Variants in RBBP4 observed in about 807,000 individuals in gnomAD.
RBBP4 encodes RB binding protein 4, chromatin remodeling factor, also known as histone-binding protein RBBP4.
In RBBP4, 3 loss-of-function variants were observed where a neutral mutation model predicts 57.2. The observed-to-expected ratio is 0.05, with a 90% confidence interval of 0.02 to 0.14. RBBP4 has a LOEUF of 0.14. Ranked by LOEUF, RBBP4 falls within the 10% of genes least tolerant of loss-of-function variation. The probability of loss-of-function intolerance (pLI) is 1.00; values close to 1 mark genes in which losing one functional copy is unlikely to be tolerated. For synonymous variants in RBBP4, 151 were observed against 171.5 expected (o/e 0.88, Z 0.93); for missense variants, 107 against 520.6 (o/e 0.21, Z 7.73).
chr1:32,663,996 G>A (rs1033653081), intron 3 of RBBP4, among the ~76,000 whole-genome samples: 15 of 146,592 alleles, frequency 1.0e-4, no homozygotes, highest in East Asian at 2.0e-4. Flanking sequence ...GCGCGATCTC[G>A]GCCCACTGCA....
intron 2 of RBBP4, among the ~76,000 whole-genome samples, chr1:32,654,930 G>C (rs1425009282): frequency 6.6e-6 from 1 of 152,036 alleles, no homozygotes; most frequent in Non-Finnish European, 1.5e-5. Flanking sequence ...CCTGACCTCA[G>C]GTAATCCACC....
chr1:32,651,815 A>G (rs1468805655), intron 1 of RBBP4, 99 bp from the exon 2 acceptor site: 2 of 1,349,676 alleles, frequency 1.5e-6, no homozygotes, highest in Non-Finnish European at 2.0e-6. Context: ...AATCACCTCC[A>G]TTTCATGGTT....
At chr1:32,668,431 G>A (rs1570857450) in intron 4 of RBBP4, 33 bp downstream of exon 4, 1 of 1,529,118 alleles carries the variant, frequency 6.5e-7, no homozygotes, top group Non-Finnish European at 9.0e-7. Context: ...ATACAAATGA[G>A]TCACTATAGA....
chr1:32,676,542 G>A (rs1266771075), intron 11 of RBBP4, among the ~76,000 whole-genome samples: 12 of 151,092 alleles, frequency 7.9e-5, no homozygotes, highest in South Asian at 6.3e-4. Context: ...CCCAGGAGGC[G>A]GAGGAGTTGC....
intron 2 of RBBP4, among the ~76,000 whole-genome samples, chr1:32,654,262 C>G (rs185515486): frequency 3.3e-5 from 5 of 152,204 alleles, no homozygotes; most frequent in African/African-American, 1.2e-4. Flanking sequence ...TTAGTCCCAG[C>G]TCCTCAGTGG....
intron 2 of RBBP4, among the ~76,000 whole-genome samples, chr1:32,654,470 T>C (rs1402323988): frequency 6.6e-6 from 1 of 152,222 alleles, no homozygotes; most frequent in African/African-American, 2.4e-5. Context: ...ATTGTGCTTA[T>C]TGGACTAGTG....
intron 2 of RBBP4, 105 bp downstream of exon 2, chr1:32,652,166 C>T: frequency 7.5e-7 from 1 of 1,329,306 alleles, no homozygotes; most frequent in Admixed American, 2.3e-5. Flanking sequence ...GGCATGTGAT[C>T]AAAACCTCTT....
rs1471978730 is a variant in RBBP4, at chr1:32,663,109, A to G, written c.311-5116A>G. ...TCTTAGTTGTAAGGTTCATGGACTC[A>G]AAAAGTGGCTCAGTGGTAAAAATCA... is the stretch of plus-strand genomic sequence containing the variant. On this transcript the variant is annotated intron_variant, in intron 3 of 11. Coordinates refer to ENST00000373493, the MANE Select transcript of RBBP4 (RefSeq NM_005610.3). Among the ~76,000 whole-genome samples, 3 of 152,180 alleles carry G rather than the reference A, an allele frequency of 2.0e-5. No individual in the cohort carries two copies. In the South Asian group the frequency reaches 6.2e-4, roughly 32 times the overall value.
chr1:32,664,367 C>T (rs534375477), intron 3 of RBBP4, among the ~76,000 whole-genome samples: 1 of 152,196 alleles, frequency 6.6e-6, no homozygotes, highest in South Asian at 2.1e-4. Context: ...AGTGGTTACC[C>T]CTTGCTCTGT....
chr1:32,684,357 C>T lies in RBBP4; in HGVS notation c.*4652C>T, dbSNP rs1323145913. 1.3e-5 allele frequency: 21 copies of T among 1,614,134 alleles called. No individual in the cohort carries two copies. In the East Asian group the frequency reaches 2.0e-4, roughly 15 times the overall value. Reference sequence around the variant, plus strand: ...CACCCCATTTCTTAACTGCCTCTGGCGTTCTTCCATTTCCTCCAGCTGTTC... The same window carrying T: ...CACCCCATTTCTTAACTGCCTCTGGTGTTCTTCCATTTCCTCCAGCTGTTC... On this transcript the variant is annotated 3_prime_UTR_variant, in exon 12 of 12. Transcript: ENST00000373493.
At chr1:32,677,307 T>C (rs1649143505) in intron 11 of RBBP4, among the ~76,000 whole-genome samples, 1 of 151,992 alleles carries the variant, frequency 6.6e-6, no homozygotes, top group East Asian at 1.9e-4. Context: ...GGGCCAGAGA[T>C]TGAACTCTAT....
intron 3 of RBBP4, among the ~76,000 whole-genome samples, chr1:32,664,376 G>A (rs556134829): frequency 2.4e-4 from 36 of 152,220 alleles, no homozygotes; most frequent in Middle Eastern, 3.4e-3. Flanking sequence ...CCCTTGCTCT[G>A]TGGGCTCTGT....
rs1241347375 is a variant in RBBP4, at chr1:32,682,187, T to A, written c.*2482T>A. 1 of 267,286 alleles carries A rather than the reference T, an allele frequency of 3.7e-6. No individual in the cohort carries two copies. Among genetic ancestry groups the A allele is most frequent in the Non-Finnish European group, 7.1e-6 (1 of 140,746 alleles). 16.6% of individuals were successfully genotyped at this position (267,286 alleles called of 1,614,324 possible). On this transcript the variant is annotated 3_prime_UTR_variant, in exon 12 of 12. Coordinates refer to ENST00000373493, the MANE Select transcript of RBBP4 (RefSeq NM_005610.3). ...AACACAAAGGTAGTTAGTAGATCATTAACCTCAATTGCAAGGTTATAATTT... is the reference window on the plus strand; with the variant it reads ...AACACAAAGGTAGTTAGTAGATCATAAACCTCAATTGCAAGGTTATAATTT...
In RBBP4 at chr1:32,672,904, A is replaced by G. The variant is rs1466621573; in HGVS notation, c.1212+3A>G. The G allele has an allele frequency of 6.3e-7, 1 of 1,598,980 alleles. No individual in the cohort carries two copies. The highest frequency in any genetic ancestry group is 1.1e-5 in the South Asian group (1 of 90,712). On this transcript the variant is annotated splice_donor_region_variant and intron_variant, in intron 11 of 11. Transcript: ENST00000373493. ...ATATCATGCAAGTGTGGCAAATGGT[A>G]AGGGTTTAGTAATTTATTTTGGGGA... is the stretch of plus-strand genomic sequence containing the variant.
chr1:32,674,197 A>G (rs1648998977), intron 11 of RBBP4, among the ~76,000 whole-genome samples: 1 of 152,180 alleles, frequency 6.6e-6, no homozygotes, highest in African/African-American at 2.4e-5. Context: ...TACACTTAAA[A>G]TGGCTAAGCT....
In RBBP4 at chr1:32,684,672, G is replaced by A. The variant is rs2148544868; in HGVS notation, c.*4967G>A. ...GACTTTTTAGTATTACAACCTTAGT[G>A]TCATTGAGGAGGATTTTGGTCTAGT... is the stretch of plus-strand genomic sequence containing the variant. On this transcript the variant is annotated 3_prime_UTR_variant, in exon 12 of 12. Transcript: ENST00000373493. 3.1e-6 allele frequency: 1 copy of A among 319,872 alleles called. No homozygotes were observed. The highest frequency in any genetic ancestry group is 6.6e-5 in the East Asian group (1 of 15,112). 19.8% of individuals were successfully genotyped at this position (319,872 alleles called of 1,614,324 possible).
chr1:32,682,419 C>T lies in RBBP4; in HGVS notation c.*2714C>T, dbSNP rs1239459912. 7.4e-6 allele frequency: 1 copy of T among 135,600 alleles called. No homozygotes were observed. The highest frequency in any genetic ancestry group is 2.8e-5 in the African/African-American group (1 of 35,980). 8.4% of individuals were successfully genotyped at this position (135,600 alleles called of 1,614,324 possible). ...GGCAAAATAGCAAGACCCGACCCCC[C>T]ATCTCTACTAAAAAGAAATTTAAAA... is the stretch of plus-strand genomic sequence containing the variant. On this transcript the variant is annotated 3_prime_UTR_variant, in exon 12 of 12. Transcript: ENST00000373493.
intron 3 of RBBP4, 172 bp downstream of exon 3, chr1:32,657,744 C>T (rs757979414): frequency 2.2e-5 from 15 of 681,306 alleles, no homozygotes; most frequent in Non-Finnish European, 3.2e-5. Context: ...AGAAGAAATA[C>T]TTAACACATC....
At chr1:32,652,825 C>T (rs570492127) in intron 2 of RBBP4, among the ~76,000 whole-genome samples, 22 of 152,296 alleles carry the variant, frequency 1.4e-4, no homozygotes, top group African/African-American at 5.1e-4. Flanking sequence ...GGATTACAGG[C>T]GTGAGCCACT....
Sources: gnomAD v4.1 joint callset for allele counts (sites outside exome capture counted in the v4.1 genomes callset) on GRCh38, gnomAD v4.1.1 for gene constraint, MANE v1.5 for transcripts, NCBI Gene and HGNC (gene_info 2026-07-23, HGNC 2026-07-21) for gene names.